TCERG1L: variants seen among roughly 807,000 people sequenced by gnomAD.
The protein encoded by TCERG1L is transcription elongation regulator 1-like protein.
A neutral mutation model predicts 56.3 loss-of-function variants in TCERG1L; 37 were observed. The ratio of observed to expected loss-of-function variants is 0.66; its 90% CI spans 0.51 to 0.87. The LOEUF is 0.87. TCERG1L is among the 40% of genes least tolerant of loss of function. The pLI, the probability that TCERG1L is intolerant of heterozygous loss-of-function variation, is 0.00. For synonymous variants in TCERG1L, 324 were observed against 326.3 expected (o/e 0.99, Z 0.08); for missense variants, 799 against 774.2 (o/e 1.03, Z -0.38).
At position 131,103,628 on chromosome 10, in the gene TCERG1L, T is replaced by C. The variant is rs1378678058; in HGVS notation, c.1485+637A>G. 6.6e-6 allele frequency among the ~76,000 whole-genome samples: 1 copy of C among 152,034 alleles called. No homozygotes were observed. Reference sequence around the variant, plus strand: ...ATGGCTTGATCCCAGAAGGTGGAGGTTGCAGTGAGCCAAGATTGCACCACT... The same window carrying C: ...ATGGCTTGATCCCAGAAGGTGGAGGCTGCAGTGAGCCAAGATTGCACCACT... On this transcript the variant is annotated intron_variant, in intron 10 of 11. Transcript: ENST00000368642. The surrounding 1 kb of genome is among the most constrained non-coding windows in gnomAD (Gnocchi z 4.3).
At position 131,101,529 on chromosome 10, in the gene TCERG1L, G is replaced by A. The variant is rs115109516; in HGVS notation, c.1485+2736C>T. Among the ~76,000 whole-genome samples, 619 of 152,128 alleles carry A rather than the reference G, an allele frequency of 4.1e-3. 3 individuals are homozygous for A. The highest frequency in any genetic ancestry group is 0.014 in the African/African-American group (591 of 41,494). The stretch of plus-strand genomic sequence containing the variant: ...TGGTGGCACACGTGGCACGTGCCAC[G>A]CACGCCACACACAACCCACACGCCA... On this transcript the variant is annotated intron_variant, in intron 10 of 11. Transcript: ENST00000368642.
At position 131,291,401 on chromosome 10, in the gene TCERG1L, C is replaced by CTT. The variant is rs71009957; in HGVS notation, c.670+16808_670+16809dup. On this transcript the variant is annotated intron_variant, in intron 3 of 11. Coordinates refer to ENST00000368642, the MANE Select transcript of TCERG1L (RefSeq NM_174937.4). Reference sequence around the variant, plus strand: ...TGTGTATATTCCATAAACAGCATTTCTTTTTTTTTTTTTTTTTTTTTTTTT... The same window carrying CTT: ...TGTGTATATTCCATAAACAGCATTTCTTTTTTTTTTTTTTTTTTTTTTTTTTT... Among the ~76,000 whole-genome samples the CTT allele has an allele frequency of 5.6e-3, 204 of 36,576 alleles. 72 individuals are homozygous for CTT. The highest frequency in any genetic ancestry group is 8.8e-3 in the East Asian group (8 of 910). 24.0% of individuals were successfully genotyped at this position (36,576 alleles called of 152,430 possible). A position where few individuals can be genotyped will look rare whatever the true frequency, so the allele number is the denominator to read the frequency against.
chr10:131,172,888 A>ATT (rs3065371), intron 4 of TCERG1L, among the ~76,000 whole-genome samples: 39,939 of 135,266 alleles, frequency 0.3, 6,260 homozygotes, highest in Non-Finnish European at 0.36. Flanking sequence ...ATAATCAATG[A>ATT]TTTTTTTTTT....
At chr10:131,285,145 A>G (rs961284554) in intron 3 of TCERG1L, among the ~76,000 whole-genome samples, 1 of 152,144 alleles carries the variant, frequency 6.6e-6, no homozygotes, top group Admixed American at 6.6e-5. Flanking sequence ...TGGGAGGCCG[A>G]GGCAGGTGGA....
At chr10:131,153,191 G>A (rs1422541706) in intron 6 of TCERG1L, among the ~76,000 whole-genome samples, 2 of 152,122 alleles carry the variant, frequency 1.3e-5, no homozygotes, top group East Asian at 1.9e-4. Context: ...GTGTGAGGAC[G>A]CTGGGTGCAT....
chr10:131,110,683 G>T (rs953197778), intron 9 of TCERG1L, among the ~76,000 whole-genome samples: 1 of 152,190 alleles, frequency 6.6e-6, no homozygotes, highest in African/African-American at 2.4e-5. Flanking sequence ...ATAAAACAAC[G>T]CCAGGGAAAA....
At chr10:131,127,848 G>A (rs1045403223) in intron 8 of TCERG1L, among the ~76,000 whole-genome samples, 2 of 152,002 alleles carry the variant, frequency 1.3e-5, no homozygotes, top group African/African-American at 4.8e-5. Flanking sequence ...ATCTAAACAG[G>A]GATGACAGAG....
rs988119804 is a variant in TCERG1L at position 131,260,133 on chromosome 10, T to C, written c.856+126A>G. 8 of 1,233,882 alleles carry C rather than the reference T, an allele frequency of 6.5e-6. No individual in the cohort carries two copies. Among genetic ancestry groups the C allele is most frequent in the African/African-American group, 1.6e-5 (1 of 64,410 alleles). The allele number at this position is 1,233,882 out of a possible 1,614,324, so 76.4% of individuals were successfully genotyped here. On this transcript the variant is annotated intron_variant, in intron 4 of 11. Transcript: ENST00000368642. This position sits in a 1 kb window ranked among gnomAD's most constrained non-coding sequence, Gnocchi z 5.8. Reference sequence around the variant, plus strand: ...AGCCCAAACGGCCCCAGCCGAATGTTTCCCTCAACCGGAGCCGGGCTTCAG... The same window carrying C: ...AGCCCAAACGGCCCCAGCCGAATGTCTCCCTCAACCGGAGCCGGGCTTCAG...
chr10:131,093,377 G>T, intron 11 of TCERG1L, 59 bp from the exon 12 acceptor site: 2 of 1,584,454 alleles, frequency 1.3e-6, no homozygotes, highest in Non-Finnish European at 1.7e-6. Context: ...CCTCCCCAGA[G>T]ATCCTGCAGC....
intron 4 of TCERG1L, among the ~76,000 whole-genome samples, chr10:131,188,964 A>T (rs1845277375): frequency 6.6e-6 from 1 of 152,206 alleles, no homozygotes; most frequent in South Asian, 2.1e-4. Context: ...GAACCATAGT[A>T]TATACTTTCT....
chr10:131,105,975 C>T (rs1290929179), intron 9 of TCERG1L, among the ~76,000 whole-genome samples: 3 of 152,188 alleles, frequency 2.0e-5, no homozygotes, highest in Admixed American at 1.3e-4. Context: ...ATGCTCCAGG[C>T]TTATCTTCTG....
intron 4 of TCERG1L, among the ~76,000 whole-genome samples, chr10:131,248,035 ACT>A (rs200869590): frequency 0.012 from 1,751 of 151,918 alleles, 8 homozygotes; most frequent in Non-Finnish European, 0.018. Flanking sequence ...ACACAGGTAA[ACT>A]CACACACATT....
chr10:131,105,531 C>A (rs1007096519), intron 9 of TCERG1L, among the ~76,000 whole-genome samples: 14 of 151,650 alleles, frequency 9.2e-5, no homozygotes, highest in Non-Finnish European at 1.9e-4. Flanking sequence ...AGCCCATGCT[C>A]AGGCTGGACT....
At chr10:131,248,494 C>T (rs574598060) in intron 4 of TCERG1L, among the ~76,000 whole-genome samples, 8 of 152,304 alleles carry the variant, frequency 5.3e-5, no homozygotes, top group Admixed American at 3.9e-4. Context: ...ACACTCCACC[C>T]GTCAGCCACA....
intron 4 of TCERG1L, among the ~76,000 whole-genome samples, chr10:131,173,163 T>C (rs565547946): frequency 6.6e-6 from 1 of 152,246 alleles, no homozygotes; most frequent in Admixed American, 6.5e-5. Context: ...AGTGCTGGGA[T>C]TACAGGTGTG....
rs78013769 is a variant in TCERG1L at position 131,092,805 on chromosome 10, A to G, written c.*357T>C. On this transcript the variant is annotated 3_prime_UTR_variant, in exon 12 of 12. Transcript: ENST00000368642. ...AAGGTTTTCAGAAAAGTTTTCGCCA[A>G]TCGTCTTAGGTGATGACACAAATGC... The G allele has an allele frequency of 9.8e-3, 1,697 of 172,612 alleles. 46 individuals carry two copies. Among genetic ancestry groups the G allele is most frequent in the African/African-American group, 0.038 (1,595 of 42,344 alleles). 10.7% of individuals were successfully genotyped at this position (172,612 alleles called of 1,614,324 possible).
At chr10:131,287,535 G>A (rs1427209286) in intron 3 of TCERG1L, among the ~76,000 whole-genome samples, 1 of 152,128 alleles carries the variant, frequency 6.6e-6, no homozygotes, top group Non-Finnish European at 1.5e-5. Context: ...CAGTGGGTCT[G>A]GGGACATAAC....
intron 4 of TCERG1L, among the ~76,000 whole-genome samples, chr10:131,221,283 T>G (rs1398596536): frequency 6.6e-6 from 1 of 152,226 alleles, no homozygotes; most frequent in African/African-American, 2.4e-5. Context: ...GGAGGAAGTC[T>G]GTGTTCAAAT....
At chr10:131,168,166 A>G (rs1306024550) in intron 4 of TCERG1L, among the ~76,000 whole-genome samples, 1 of 152,248 alleles carries the variant, frequency 6.6e-6, no homozygotes, top group Non-Finnish European at 1.5e-5. Flanking sequence ...CACACAACAC[A>G]CAGGTGCGTA....
Sources: allele counts gnomAD v4.1 joint callset (sites outside exome capture counted in the v4.1 genomes callset), GRCh38; gene constraint gnomAD v4.1.1; non-coding constraint Gnocchi (gnomAD v3.1); transcripts MANE v1.5; gene names NCBI Gene and HGNC (gene_info 2026-07-23, HGNC 2026-07-21).